The following RELCH variants were observed in gnomAD, a reference collection of about 807,000 sequenced individuals.
The protein encoded by RELCH is RAB11 binding and LisH domain, coiled-coil and HEAT repeat containing.
RELCH carries 41 observed loss-of-function variants against 150.3 expected under a neutral mutation model. The observed-to-expected ratio is 0.27, with a 90% CI of 0.21 to 0.35. The LOEUF (loss-of-function observed/expected upper bound fraction) is 0.35. Among genes scored for constraint, RELCH ranks in the 10% least tolerant of loss-of-function variants. The pLI is 1.00. For synonymous variants in RELCH, 478 were observed against 531.8 expected (o/e 0.90, Z 1.39); for missense variants, 1,092 against 1,467.8 (o/e 0.74, Z 4.18).
At chr18:62,273,083 T>C (rs912369026) in intron 20 of RELCH, among the ~76,000 whole-genome samples, 5 of 152,018 alleles carry the variant, frequency 3.3e-5, no homozygotes, top group Non-Finnish European at 5.9e-5. Flanking sequence ...TCATGATCTA[T>C]TGATACATTC....
At chr18:62,259,199 C>A (rs1159259630) in intron 15 of RELCH, among the ~76,000 whole-genome samples, 2 of 151,834 alleles carry the variant, frequency 1.3e-5, no homozygotes, top group Non-Finnish European at 2.9e-5. Flanking sequence ...TTAAAAGTTT[C>A]TTTTAGAGAC....
chr18:62,196,021 G>A (rs960754402), intron 1 of RELCH, among the ~76,000 whole-genome samples: 1 of 151,798 alleles, frequency 6.6e-6, no homozygotes, highest in Non-Finnish European at 1.5e-5. Context: ...ATGATCCAAC[G>A]TATCGTTTCT....
At position 62,258,495 on chromosome 18, in the gene RELCH, CT is replaced by C. The variant is rs377512092; in HGVS notation, c.2038-12del. 2.7e-4 allele frequency: 433 copies of C among 1,586,428 alleles called. 1 individual carries two copies. The African/African-American group carries it at 5.0e-3, about 18-fold the overall frequency. ...TATCCCTTTAAAAATCTACATTTGC[CT>C]TTTTCTCATTGACAGGGTTTTGAAT... On this transcript the variant is annotated splice_polypyrimidine_tract_variant and intron_variant, in intron 14 of 28. Transcript: ENST00000644646.
intron 11 of RELCH, among the ~76,000 whole-genome samples, chr18:62,245,090 C>T (rs1365870787): frequency 6.6e-6 from 1 of 152,110 alleles, no homozygotes; most frequent in Admixed American, 6.6e-5. Flanking sequence ...TCATCAGGTT[C>T]CCTTTCCTCC....
At chr18:62,286,226 A>T (rs1221538260) in intron 25 of RELCH, among the ~76,000 whole-genome samples, 2 of 152,194 alleles carry the variant, frequency 1.3e-5, no homozygotes, top group Admixed American at 6.5e-5. Flanking sequence ...TCTTTGAGAG[A>T]GACTTAGAGT....
intron 8 of RELCH, among the ~76,000 whole-genome samples, chr18:62,230,438 A>G (rs540053246): frequency 6.6e-6 from 1 of 152,118 alleles, no homozygotes; most frequent in Non-Finnish European, 1.5e-5. Context: ...CATAGAAATT[A>G]CTGAGCTCCA....
intron 12 of RELCH, among the ~76,000 whole-genome samples, chr18:62,254,214 G>T (rs899325910): frequency 7.9e-5 from 12 of 152,182 alleles, no homozygotes; most frequent in African/African-American, 2.9e-4. Context: ...TATATATTAA[G>T]TCTTTCATTC....
intron 1 of RELCH, among the ~76,000 whole-genome samples, chr18:62,207,141 C>G (rs1025353159): frequency 6.6e-6 from 1 of 152,130 alleles, no homozygotes; most frequent in African/African-American, 2.4e-5. Flanking sequence ...AGCGTACACT[C>G]CATTTTCCCC....
intron 27 of RELCH, among the ~76,000 whole-genome samples, chr18:62,293,374 A>G (rs538742129): frequency 5.2e-4 from 79 of 152,334 alleles, no homozygotes; most frequent in African/African-American, 1.7e-3. Context: ...TTCAGGCTTC[A>G]GTCCAAAATA....
chr18:62,247,212 A>G (rs942475345), intron 11 of RELCH: 1 of 152,180 alleles, frequency 6.6e-6, no homozygotes, highest in Non-Finnish European at 1.5e-5. Context: ...AATCCACATG[A>G]GCCCCATAAA....
intron 5 of RELCH, among the ~76,000 whole-genome samples, chr18:62,225,513 GAA>G (rs1319596339): frequency 9.9e-5 from 15 of 152,006 alleles, no homozygotes; most frequent in African/African-American, 3.4e-4. Context: ...TTTTTTAAAA[GAA>G]TGCACAAAAA....
At chr18:62,235,359 G>C (rs1008420296) in intron 10 of RELCH, 3 of 151,962 alleles carry the variant, frequency 2.0e-5, no homozygotes, top group Non-Finnish European at 4.4e-5. Context: ...ACACTGTTTT[G>C]ATAACTGTTG....
intron 26 of RELCH, among the ~76,000 whole-genome samples, chr18:62,288,206 G>A (rs914859112): frequency 6.6e-6 from 1 of 152,108 alleles, no homozygotes; most frequent in Non-Finnish European, 1.5e-5. Context: ...TTAAAAGGCA[G>A]AAGGGTTGAA....
chr18:62,190,774 T>C (rs2038573034), intron 1 of RELCH, among the ~76,000 whole-genome samples: 2 of 152,060 alleles, frequency 1.3e-5, no homozygotes, highest in African/African-American at 4.8e-5. Context: ...GCCTGTGTAT[T>C]ATAAAATGTT....
rs757448953 is a variant in RELCH at position 62,305,468 on chromosome 18, G to A, written c.3585G>A (p.Leu1195=). ...LVSEDTKTKF[L]NKMGQLTTSG... The stretch of plus-strand genomic sequence containing the variant: ...GTGAAGATACAAAGACCAAGTTTTT[G>A]AACAAAATGGGCCAGTTGACAACAT... Residue 1195 remains leucine, a synonymous_variant, in exon 29 of 29, where the codon TTG becomes TTA. Coordinates refer to ENST00000644646, the MANE Select transcript of RELCH (RefSeq NM_001346231.2). The surrounding 1 kb of genome is among the most constrained non-coding windows in gnomAD (Gnocchi z 4.0). The A allele has an allele frequency of 1.9e-6, 3 of 1,611,842 alleles. No individual in the cohort carries two copies. The highest frequency in any genetic ancestry group is 2.5e-6 in the Non-Finnish European group (3 of 1,178,726).
intron 13 of RELCH, among the ~76,000 whole-genome samples, chr18:62,256,395 A>AT (rs1379091132): frequency 2.0e-5 from 3 of 151,904 alleles, no homozygotes; most frequent in Non-Finnish European, 4.4e-5. Context: ...GCACGGTGAA[A>AT]TTTTTTTAAT....
At chr18:62,215,687 A>T (rs2040436206) in intron 2 of RELCH, among the ~76,000 whole-genome samples, 1 of 152,176 alleles carries the variant, frequency 6.6e-6, no homozygotes, top group African/African-American at 2.4e-5. Context: ...TAGAAAACTA[A>T]TGCTTATACC....
intron 1 of RELCH, among the ~76,000 whole-genome samples, chr18:62,196,492 C>A (rs9945774): frequency 0.77 from 116,641 of 152,158 alleles, 44,861 homozygotes; most frequent in East Asian, 0.91. Context: ...GGCCTCCCAA[C>A]GTGCTGGGAT....
intron 15 of RELCH, 80 bp downstream of exon 15, chr18:62,258,756 C>G: frequency 9.9e-7 from 1 of 1,006,236 alleles, no homozygotes; most frequent in Non-Finnish European, 1.4e-6. Context: ...TGTTAGAGAA[C>G]AGAGACAGAA....
Sources: allele counts gnomAD v4.1 joint callset (sites outside exome capture counted in the v4.1 genomes callset), GRCh38; gene constraint gnomAD v4.1.1; non-coding constraint Gnocchi (gnomAD v3.1); transcripts MANE v1.5; gene names NCBI Gene and HGNC (gene_info 2026-07-23, HGNC 2026-07-21).